Variants in ACKR2 observed in about 807,000 individuals in gnomAD.
ACKR2 encodes C-C chemokine receptor D6.
For synonymous variants in ACKR2, 207 were observed against 192.2 expected, an observed-to-expected ratio of 1.08 and a Z score of -0.64; for missense variants, 457 against 477.3, an observed-to-expected ratio of 0.96 and a Z score of 0.40.
intron 1 of ACKR2, among the ~76,000 whole-genome samples, chr3:42,811,308 TA>T (rs1461954283): frequency 2.0e-5 from 3 of 152,244 alleles, no homozygotes; most frequent in Non-Finnish European, 4.4e-5. Flanking sequence ...TGTTAATCTA[TA>T]ACTTTAGCCC....
chr3:42,848,392 G>GT (rs1292033500), intron 2 of ACKR2, among the ~76,000 whole-genome samples: 1 of 151,408 alleles, frequency 6.6e-6, no homozygotes, highest in Non-Finnish European at 1.5e-5. Flanking sequence ...TAATTTTTGT[G>GT]TTTTTTGCAG....
intron 2 of ACKR2, among the ~76,000 whole-genome samples, chr3:42,830,200 T>C (rs746277659): frequency 6.6e-6 from 1 of 152,208 alleles, no homozygotes; most frequent in Non-Finnish European, 1.5e-5. Context: ...TAGATAGTAT[T>C]CCTGTATCAA....
rs144364921 is a variant in ACKR2 at position 42,846,027 on chromosome 3, C to T, written c.-37-18439C>T. Among the ~76,000 whole-genome samples the T allele has an allele frequency of 2.3e-3, 353 of 152,006 alleles. 2 individuals are homozygous for T. Among genetic ancestry groups the T allele is most frequent in the Middle Eastern group, 0.01 (3 of 294 alleles). On this transcript the variant is annotated intron_variant, in intron 2 of 2. Transcript: ENST00000422265. ...GGGTGGAGGTAGTCTGGTCCAAATCCCAGTGCTGCAATTTGGAAAAGTTAC... is the reference window on the plus strand; with the variant it reads ...GGGTGGAGGTAGTCTGGTCCAAATCTCAGTGCTGCAATTTGGAAAAGTTAC...
Position 42,831,193 on chromosome 3 carries a change from C to T in ACKR2, c.-38+11482C>T, listed in dbSNP as rs1700928847. Among the ~76,000 whole-genome samples the T allele has an allele frequency of 2.0e-5, 3 of 152,146 alleles. No homozygotes were observed. The South Asian group carries it at 6.2e-4, about 32-fold the overall frequency. ...AAAAAATAAAAGGTGAAATCCGAGA[C>T]TGCCACGCTCACCTAGGAGAAGTTG... On this transcript the variant is annotated intron_variant, in intron 2 of 2. Coordinates refer to ENST00000422265, the MANE Select transcript of ACKR2 (RefSeq NM_001296.5).
At chr3:42,810,772 C>T (rs1453825214) in intron 1 of ACKR2, among the ~76,000 whole-genome samples, 2 of 152,226 alleles carry the variant, frequency 1.3e-5, no homozygotes, top group Admixed American at 1.3e-4. Context: ...CACCCCTCTG[C>T]GCAAAAGTAA....
At chr3:42,847,076 C>T (rs184376903) in intron 2 of ACKR2, among the ~76,000 whole-genome samples, 1 of 152,336 alleles carries the variant, frequency 6.6e-6, no homozygotes, top group Admixed American at 6.5e-5. Flanking sequence ...GATGTGATAA[C>T]TTCAGCCTGG....
intron 2 of ACKR2, among the ~76,000 whole-genome samples, chr3:42,820,455 T>C (rs1164931612): frequency 1.3e-5 from 2 of 151,548 alleles, no homozygotes; most frequent in Admixed American, 6.6e-5. Context: ...TAGCCAGATG[T>C]GGTGGTGGGC....
In ACKR2 at chr3:42,853,219, G is replaced by A. The variant is rs116563920; in HGVS notation, c.-37-11247G>A. 7.1e-3 allele frequency among the ~76,000 whole-genome samples: 1,085 copies of A among 152,234 alleles called. 11 individuals are homozygous for A. The highest frequency in any genetic ancestry group is 0.025 in the African/African-American group (1,043 of 41,528). On this transcript the variant is annotated intron_variant, in intron 2 of 2. Coordinates refer to ENST00000422265, the MANE Select transcript of ACKR2 (RefSeq NM_001296.5). ...GGTGCACACAGGCTGAACTCCCAGTGTGTGATTTGGGGCTCCAGCTCTGGA... is the reference window on the plus strand; with the variant it reads ...GGTGCACACAGGCTGAACTCCCAGTATGTGATTTGGGGCTCCAGCTCTGGA...
At chr3:42,817,468 T>C (rs999700461) in intron 1 of ACKR2, among the ~76,000 whole-genome samples, 1 of 152,004 alleles carries the variant, frequency 6.6e-6, no homozygotes, top group African/African-American at 2.4e-5. Flanking sequence ...TTGGGTACCC[T>C]CCTCCCACTG....
At chr3:42,845,848 C>CAAAAAAAAAAAAAA (rs35395771) in intron 2 of ACKR2, among the ~76,000 whole-genome samples, 1 of 49,408 alleles carries the variant, frequency 2.0e-5, no homozygotes, top group Admixed American at 2.2e-4. Context: ...GACTCCGTCT[C>CAAAAAAAAAAAAAA]AAAAAAAAAA....
intron 2 of ACKR2, among the ~76,000 whole-genome samples, chr3:42,833,496 A>G (rs1700953243): frequency 6.6e-6 from 1 of 152,152 alleles, no homozygotes; most frequent in Non-Finnish European, 1.5e-5. Context: ...CTATACAATT[A>G]TTAATTATTA....
chr3:42,829,485 C>A (rs1441235733), intron 2 of ACKR2, among the ~76,000 whole-genome samples: 4 of 152,130 alleles, frequency 2.6e-5, no homozygotes, highest in African/African-American at 4.8e-5. Context: ...AGTCACTTTC[C>A]CTAATGTTCC....
chr3:42,856,326 G>A, intron 2 of ACKR2: 13 of 699,806 alleles, frequency 1.9e-5, no homozygotes, highest in Non-Finnish European at 3.4e-5. Flanking sequence ...TGGGGCAGAA[G>A]CTCACAGAGT....
At position 42,828,636 on chromosome 3, in the gene ACKR2, T is replaced by C. The variant is rs150464603; in HGVS notation, c.-38+8925T>C. On this transcript the variant is annotated intron_variant, in intron 2 of 2. Transcript: ENST00000422265. ...GGTCTGAGGATGAGATTTGGAGATA[T>C]GGAGATTTGGAGCGGCGAATTTATC... Among the ~76,000 whole-genome samples, 466 of 152,250 alleles carry C rather than the reference T, an allele frequency of 3.1e-3. 2 individuals carry two copies. The highest frequency in any genetic ancestry group is 0.01 in the African/African-American group (422 of 41,532).
chr3:42,865,768 A>C lies in ACKR2; in HGVS notation c.*111A>C, dbSNP rs1173620130. 2.5e-6 allele frequency: 2 copies of C among 789,810 alleles called. No individual in the cohort carries two copies. The highest frequency in any genetic ancestry group is 3.0e-5 in the Admixed American group (1 of 33,554). 48.9% of individuals were successfully genotyped at this position (789,810 alleles called of 1,614,324 possible). ...GACTGTGTTGCTAAACCCAGTGGTC[A>C]GTTCTCAGTTCTCAGCCATCAGCAG... On this transcript the variant is annotated 3_prime_UTR_variant, in exon 3 of 3. Coordinates refer to ENST00000422265, the MANE Select transcript of ACKR2 (RefSeq NM_001296.5).
chr3:42,825,704 T>G (rs1700855619), intron 2 of ACKR2, among the ~76,000 whole-genome samples: 1 of 151,948 alleles, frequency 6.6e-6, no homozygotes, highest in Admixed American at 6.6e-5. Context: ...ATGCTTTTTA[T>G]TTTTCTTGCA....
At position 42,867,109 on chromosome 3, in the gene ACKR2, G is replaced by A. The variant is rs1306136354; in HGVS notation, c.*1452G>A. ...GTTGGACTGGAAACCCTTGGCTCAA[G>A]CAATTTGCCTGCCTCAGCCTCCCAA... On this transcript the variant is annotated 3_prime_UTR_variant, in exon 3 of 3. Transcript: ENST00000422265. The A allele has an allele frequency of 6.0e-6, 1 of 166,640 alleles. No individual in the cohort carries two copies. The highest frequency in any genetic ancestry group is 1.5e-5 in the Non-Finnish European group (1 of 68,160). The allele number at this position is 166,640 out of a possible 1,614,324, so 10.3% of individuals were successfully genotyped here.
chr3:42,859,536 G>C (rs569613129), intron 2 of ACKR2, among the ~76,000 whole-genome samples: 2 of 152,116 alleles, frequency 1.3e-5, no homozygotes, highest in Admixed American at 6.5e-5. Context: ...CCGCCACCAT[G>C]CCCAGCTAAT....
chr3:42,861,510 T>G (rs1295932440), intron 2 of ACKR2, among the ~76,000 whole-genome samples: 1 of 152,168 alleles, frequency 6.6e-6, no homozygotes, highest in Non-Finnish European at 1.5e-5. Flanking sequence ...TTTAACTCAT[T>G]TTATGAGGCC....
Sources: allele counts gnomAD v4.1 joint callset (sites outside exome capture counted in the v4.1 genomes callset), GRCh38; gene constraint gnomAD v4.1.1; transcripts MANE v1.5; gene names NCBI Gene and HGNC (gene_info 2026-07-23, HGNC 2026-07-21).